The following CPNE4 variants were observed in gnomAD, a reference collection of about 807,000 sequenced individuals.
CPNE4 encodes the protein copine-4.
CPNE4 carries 25 observed loss-of-function variants against 67.9 expected under a neutral mutation model. The observed-to-expected ratio is 0.37, with a 90% CI of 0.27 to 0.51. CPNE4 has a LOEUF of 0.51. Among genes scored for constraint, CPNE4 ranks in the 20% least tolerant of loss-of-function variants. The pLI, the probability that CPNE4 is intolerant of heterozygous loss-of-function variation, is 0.93. For missense variants in CPNE4, 464 were observed against 690.8 expected, an observed-to-expected ratio of 0.67 and a Z score of 3.68; for synonymous variants, 242 against 244.9, an observed-to-expected ratio of 0.99 and a Z score of 0.11.
chr3:131,951,488 C>T (rs1297008485), intron 1 of CPNE4, among the ~76,000 whole-genome samples: 1 of 152,052 alleles, frequency 6.6e-6, no homozygotes, highest in East Asian at 1.9e-4. Context: ...GAGATACTCC[C>T]CCTCCCCTTA....
rs552816286 is a variant in CPNE4 at position 131,676,364 on chromosome 3, T to TTTTA, written c.592-6604_592-6601dup. Among the ~76,000 whole-genome samples the TTTTA allele has an allele frequency of 3.1e-4, 47 of 152,156 alleles. 1 individual carries two copies. The Middle Eastern group carries it at 0.014, about 44-fold the overall frequency. ...GTGAGCCACTGAGGCTGGCCCATTATTTTATTTATTTATTTTTAACTTCTA... is the reference window on the plus strand; with the variant it reads ...GTGAGCCACTGAGGCTGGCCCATTATTTTATTTATTTATTTATTTTTAACTTCTA... On this transcript the variant is annotated intron_variant, in intron 6 of 15. Coordinates refer to ENST00000429747, the MANE Select transcript of CPNE4 (RefSeq NM_130808.3).
chr3:131,670,263 T>A (rs1210043777), intron 6 of CPNE4, among the ~76,000 whole-genome samples: 1 of 152,152 alleles, frequency 6.6e-6, no homozygotes, highest in Non-Finnish European at 1.5e-5. Flanking sequence ...AGATTGCAAG[T>A]CAGAAGAGAA....
chr3:131,650,329 A>T (rs1285673108), intron 7 of CPNE4, among the ~76,000 whole-genome samples: 1 of 152,124 alleles, frequency 6.6e-6, no homozygotes, highest in African/African-American at 2.4e-5. Context: ...AAGGAGAGGG[A>T]ATTACACAAA....
chr3:131,804,787 A>C (rs1560354707), intron 2 of CPNE4, among the ~76,000 whole-genome samples: 2 of 152,168 alleles, frequency 1.3e-5, no homozygotes, highest in Non-Finnish European at 2.9e-5. Flanking sequence ...GCTCAGGCTA[A>C]CCTGATAGAG....
intron 2 of CPNE4, among the ~76,000 whole-genome samples, chr3:131,727,890 T>C (rs2082037706): frequency 6.6e-6 from 1 of 152,200 alleles, no homozygotes; most frequent in Non-Finnish European, 1.5e-5. Flanking sequence ...TTTCACGCAA[T>C]TATTTTGAGA....
chr3:131,647,274 G>A (rs1582951381), intron 7 of CPNE4, among the ~76,000 whole-genome samples: 1 of 152,214 alleles, frequency 6.6e-6, no homozygotes, highest in African/African-American at 2.4e-5. Context: ...TGGAGACGCT[G>A]TGAGCCATCC....
intron 1 of CPNE4, among the ~76,000 whole-genome samples, chr3:131,952,719 C>T (rs940357788): frequency 1.1e-3 from 168 of 152,156 alleles, no homozygotes; most frequent in African/African-American, 3.9e-3. Context: ...CTCTGCCCGG[C>T]CACCACCCCG....
intron 6 of CPNE4, among the ~76,000 whole-genome samples, chr3:131,685,521 C>T (rs1232662806): frequency 3.9e-5 from 6 of 152,044 alleles, no homozygotes; most frequent in East Asian, 1.9e-4. Flanking sequence ...CGGTGGCTCA[C>T]GCCTGTAATC....
At chr3:131,842,055 G>GCCTGGGCCAA (rs1283672671) in intron 2 of CPNE4, among the ~76,000 whole-genome samples, 1 of 152,154 alleles carries the variant, frequency 6.6e-6, no homozygotes, top group Admixed American at 6.6e-5. Flanking sequence ...GGCTTGAAGT[G>GCCTGGGCCAA]CCTGGGCCAA....
chr3:131,702,355 A>G (rs1007027230), intron 3 of CPNE4, among the ~76,000 whole-genome samples: 4 of 152,192 alleles, frequency 2.6e-5, no homozygotes, highest in Non-Finnish European at 5.9e-5. Context: ...AGTGGTAAGT[A>G]AAATCTGATG....
intron 1 of CPNE4, among the ~76,000 whole-genome samples, chr3:131,985,054 A>G (rs1375308546): frequency 6.6e-6 from 1 of 152,222 alleles, no homozygotes; most frequent in Non-Finnish European, 1.5e-5. Flanking sequence ...AGTTCTGGAT[A>G]CTGAGAGTCT....
Position 131,687,372 on chromosome 3 carries a change from A to G in CPNE4, c.508-1414T>C, listed in dbSNP as rs886941595. On this transcript the variant is annotated intron_variant, in intron 5 of 15. Coordinates refer to ENST00000429747, the MANE Select transcript of CPNE4 (RefSeq NM_130808.3). ...TAGTGTCTAGATTTTAATAGTACAT[A>G]GTGTTTATTGAATGAATGAATAAAT... 4.6e-5 allele frequency among the ~76,000 whole-genome samples: 7 copies of G among 152,330 alleles called. No homozygotes were observed. The East Asian group carries it at 1.2e-3, about 25-fold the overall frequency.
chr3:131,760,660 C>T (rs751246936), intron 2 of CPNE4, among the ~76,000 whole-genome samples: 2 of 152,146 alleles, frequency 1.3e-5, no homozygotes, highest in African/African-American at 4.8e-5. Context: ...TGAGATAAAT[C>T]ATTTTGCTAT....
At chr3:131,819,843 G>A (rs2084896713) in intron 2 of CPNE4, among the ~76,000 whole-genome samples, 1 of 152,144 alleles carries the variant, frequency 6.6e-6, no homozygotes, top group Non-Finnish European at 1.5e-5. Flanking sequence ...CCTAAACAAT[G>A]ATGTGGAAAG....
Position 132,034,938 on chromosome 3 carries a change from G to A in CPNE4, c.-373C>T. The A allele has an allele frequency of 2.0e-6, 2 of 985,478 alleles. No homozygotes were observed. The highest frequency in any genetic ancestry group is 2.4e-6 in the Non-Finnish European group (2 of 829,994). 61.0% of individuals were successfully genotyped at this position (985,478 alleles called of 1,614,324 possible). A position where few individuals can be genotyped will look rare whatever the true frequency, so the allele number is the denominator to read the frequency against. On this transcript the variant is annotated 5_prime_UTR_variant, in exon 1 of 16. Coordinates refer to ENST00000429747, the MANE Select transcript of CPNE4 (RefSeq NM_130808.3). ...GTGGAGCGAGGGAGGAAGGAAAGGA[G>A]GGTGGCAGAAAGAGAAGGGGACGAG...
Position 131,748,125 on chromosome 3 carries a change from GTTAATA to G in CPNE4, c.181-24506_181-24501del, listed in dbSNP as rs1488591486. ...ATCATGTGATTTTCTTTTGTAGCCT[GTTAATA>G]TTAATGTAATATTAACAGGATTACT... On this transcript the variant is annotated intron_variant, in intron 2 of 15. Coordinates refer to ENST00000429747, the MANE Select transcript of CPNE4 (RefSeq NM_130808.3). Among the ~76,000 whole-genome samples, 6 of 151,974 alleles carry G rather than the reference GTTAATA, an allele frequency of 3.9e-5. No individual in the cohort carries two copies. The East Asian group carries it at 1.2e-3, about 29-fold the overall frequency.
rs1560551643 is a variant in CPNE4 at position 131,892,947 on chromosome 3, CT to C, written c.180+12316del. 6.6e-5 allele frequency among the ~76,000 whole-genome samples: 10 copies of C among 151,924 alleles called. No homozygotes were observed. In the South Asian group the frequency reaches 2.1e-3, roughly 32 times the overall value. On this transcript the variant is annotated intron_variant, in intron 2 of 15. Transcript: ENST00000429747. ...GAATTTTAAAAAAATCAGAAAACAA[CT>C]AAAAATAGTGGAAGTAACCCTTTAT...
At chr3:131,829,627 T>A (rs577772677) in intron 2 of CPNE4, among the ~76,000 whole-genome samples, 1 of 152,324 alleles carries the variant, frequency 6.6e-6, no homozygotes, top group South Asian at 2.1e-4. Context: ...CTCATCAGCA[T>A]ATGATTACTT....
intron 7 of CPNE4, among the ~76,000 whole-genome samples, chr3:131,611,443 G>A (rs1401236192): frequency 6.6e-6 from 1 of 152,160 alleles, no homozygotes; most frequent in African/African-American, 2.4e-5. Flanking sequence ...GGAATATGGA[G>A]GTTGACTTGT....
Sources: allele counts gnomAD v4.1 joint callset (sites outside exome capture counted in the v4.1 genomes callset), GRCh38; gene constraint gnomAD v4.1.1; transcripts MANE v1.5; gene names NCBI Gene and HGNC (gene_info 2026-07-23, HGNC 2026-07-21).